The following ADAM23 variants were observed in gnomAD, a reference collection of about 807,000 sequenced individuals.
The protein encoded by ADAM23 is ADAM metallopeptidase domain 23, also known as disintegrin and metalloproteinase domain-containing protein 23.
ADAM23 carries 33 observed loss-of-function variants against 120.1 expected under a neutral mutation model. The observed-to-expected ratio is 0.27, with a 90% confidence interval of 0.21 to 0.37. The LOEUF (loss-of-function observed/expected upper bound fraction) is 0.37, where lower values mean the gene tolerates loss of function less well. Among genes scored for constraint, ADAM23 ranks in the 10% least tolerant of loss-of-function variants. ADAM23 has a pLI of 1.00. For synonymous variants in ADAM23, 367 were observed against 375.2 expected (o/e 0.98, Z 0.25); for missense variants, 862 against 1,058.2 (o/e 0.81, Z 2.57).
intron 19 of ADAM23, 75 bp downstream of exon 19, chr2:206,587,450 A>T: frequency 8.6e-7 from 1 of 1,164,752 alleles, no homozygotes; most frequent in Non-Finnish European, 1.2e-6. Flanking sequence ...TTTTTGATAA[A>T]TATTAATATA....
intron 4 of ADAM23, among the ~76,000 whole-genome samples, chr2:206,533,834 A>G (rs975177790): frequency 6.6e-6 from 1 of 152,240 alleles, no homozygotes; most frequent in African/African-American, 2.4e-5. Context: ...CGAGAGGTCC[A>G]AAAGAAGCGT....
rs555339366 is a variant in ADAM23, at chr2:206,510,484, G to GTATTTTTAGTGGAGA, written c.510-20400_510-20399insATTTTTAGTGGAGAT. Among the ~76,000 whole-genome samples the GTATTTTTAGTGGAGA allele has an allele frequency of 3.2e-3, 488 of 152,016 alleles. 5 individuals carry two copies. Among genetic ancestry groups the GTATTTTTAGTGGAGA allele is most frequent in the African/African-American group, 0.011 (465 of 41,504 alleles). On this transcript the variant is annotated intron_variant, in intron 3 of 25. Coordinates refer to ENST00000264377, the MANE Select transcript of ADAM23 (RefSeq NM_003812.4). The stretch of plus-strand genomic sequence containing the variant: ...TACATTGCCAAGATTTATTAAATTT[G>GTATTTTTAGTGGAGA]TGTTTTGTTTAGTAACCACAATAAA...
chr2:206,531,152 T>C (rs1330871673), intron 4 of ADAM23, among the ~76,000 whole-genome samples: 3 of 152,224 alleles, frequency 2.0e-5, no homozygotes, highest in African/African-American at 7.2e-5. Flanking sequence ...AAATGTTTAT[T>C]GTTTTGATTA....
intron 3 of ADAM23, among the ~76,000 whole-genome samples, chr2:206,495,458 T>G (rs1423933280): frequency 1.3e-5 from 2 of 152,168 alleles, no homozygotes; most frequent in Non-Finnish European, 2.9e-5. Flanking sequence ...GCTGAGAGAT[T>G]TCGTCACCAC....
chr2:206,453,565 A>G (rs1574475569), intron 2 of ADAM23, among the ~76,000 whole-genome samples: 1 of 152,208 alleles, frequency 6.6e-6, no homozygotes, highest in Non-Finnish European at 1.5e-5. Context: ...TCAATTTTAC[A>G]AGGGAGTCTT....
intron 2 of ADAM23, among the ~76,000 whole-genome samples, chr2:206,473,458 G>A (rs941243107): frequency 1.3e-5 from 2 of 151,844 alleles, no homozygotes; most frequent in Non-Finnish European, 2.9e-5. Flanking sequence ...TTTATGCCAG[G>A]GGTAGTGGCT....
intron 4 of ADAM23, among the ~76,000 whole-genome samples, chr2:206,538,963 CT>C (rs1230865245): frequency 2.6e-5 from 4 of 152,034 alleles, no homozygotes; most frequent in Middle Eastern, 3.2e-3. Flanking sequence ...CTTTTTTTCC[CT>C]ACAAGTTGTA....
chr2:206,543,173 A>G (rs2105807827), intron 5 of ADAM23, 80 bp from the exon 6 acceptor site: 4 of 1,232,004 alleles, frequency 3.2e-6, no homozygotes, highest in Non-Finnish European at 4.8e-6. Context: ...TTGAAGACAC[A>G]ATAATGAAGC....
chr2:206,609,879 A>G, intron 24 of ADAM23, 31 bp from the exon 25 acceptor site: 2 of 1,574,378 alleles, frequency 1.3e-6, no homozygotes, highest in Non-Finnish European at 8.6e-7. Flanking sequence ...GTTGGTTCAT[A>G]TGACTCTCTT....
At chr2:206,457,367 G>C (rs550599484) in intron 2 of ADAM23, among the ~76,000 whole-genome samples, 2 of 152,282 alleles carry the variant, frequency 1.3e-5, no homozygotes, top group East Asian at 3.9e-4. Context: ...TTATTAGCGT[G>C]ACCAAAACGA....
At chr2:206,473,150 A>G (rs955457788) in intron 2 of ADAM23, among the ~76,000 whole-genome samples, 7 of 152,224 alleles carry the variant, frequency 4.6e-5, no homozygotes, top group African/African-American at 9.6e-5. Flanking sequence ...TCCACATTGC[A>G]GTATAACACT....
At chr2:206,479,045 A>T (rs1695841315) in intron 2 of ADAM23, among the ~76,000 whole-genome samples, 1 of 152,222 alleles carries the variant, frequency 6.6e-6, no homozygotes, top group African/African-American at 2.4e-5. Context: ...CTATCTTTAT[A>T]TGCAAAGCAG....
At chr2:206,572,397 C>T (rs1698020552) in intron 17 of ADAM23, among the ~76,000 whole-genome samples, 1 of 152,130 alleles carries the variant, frequency 6.6e-6, no homozygotes, top group Non-Finnish European at 1.5e-5. Context: ...TTTTAATCTT[C>T]CCTTTTCTCA....
chr2:206,617,795 T>TTGGAAATAA lies in ADAM23; in HGVS notation c.*171_*179dup. On this transcript the variant is annotated 3_prime_UTR_variant, in exon 26 of 26. Transcript: ENST00000264377. ...ATGGGGTAAAAGAAAACTGTCTCTT[T>TTGGAAATAA]TGGAAATAATGTCAAAGAACACCTT... The TTGGAAATAA allele has an allele frequency of 7.2e-7, 1 of 1,380,598 alleles. No homozygotes were observed. Among genetic ancestry groups the TTGGAAATAA allele is most frequent in the Non-Finnish European group, 9.5e-7 (1 of 1,054,512 alleles). 85.5% of individuals were successfully genotyped at this position (1,380,598 alleles called of 1,614,324 possible).
At chr2:206,614,691 A>C (rs988070494) in intron 25 of ADAM23, among the ~76,000 whole-genome samples, 2 of 152,190 alleles carry the variant, frequency 1.3e-5, no homozygotes, top group Non-Finnish European at 2.9e-5. Context: ...AGTCAGATAA[A>C]ATTTGAAAGG....
chr2:206,505,393 C>T (rs1397497786), intron 3 of ADAM23, among the ~76,000 whole-genome samples: 1 of 152,152 alleles, frequency 6.6e-6, no homozygotes, highest in Non-Finnish European at 1.5e-5. Flanking sequence ...AGTTTGTTCT[C>T]ACATGGCTAT....
intron 24 of ADAM23, among the ~76,000 whole-genome samples, chr2:206,600,063 G>A (rs553954277): frequency 1.8e-4 from 27 of 152,248 alleles, no homozygotes; most frequent in African/African-American, 4.1e-4. Flanking sequence ...TTAGTTGGGC[G>A]TGGTGGCAGG....
At chr2:206,543,140 T>TTTG in intron 5 of ADAM23, 113 bp from the exon 6 acceptor site, 2 of 895,692 alleles carry the variant, frequency 2.2e-6, no homozygotes, top group Non-Finnish European at 3.6e-6. Flanking sequence ...TGTAAAGGGA[T>TTTG]TTGTTCAGTT....
Position 206,550,150 on chromosome 2 carries a change from A to G in ADAM23, c.923A>G (p.Asp308Gly). ...TATTTGGAACTTATGATTGTTAATG[A>G]TCACAAAACGGTAAGAATATAGAGT... ...MKYLELMIVN[D>G]HKTYKKHRSS... is the part of the protein sequence containing the mutation. Residue 308 changes from aspartate (D) to glycine (G), a missense_variant, in exon 9 of 26, where the codon GAT (aspartate) becomes GGT (glycine). Around this residue, in one of 4 missense-constraint regions of ADAM23, gnomAD observed 617 missense variants for 813.5 expected, o/e 0.76. Transcript: ENST00000264377. 6.3e-7 allele frequency: 1 copy of G among 1,577,564 alleles called. No individual in the cohort carries two copies. Among genetic ancestry groups the G allele is most frequent in the Non-Finnish European group, 8.7e-7 (1 of 1,150,698 alleles).
Sources: allele counts gnomAD v4.1 joint callset (sites outside exome capture counted in the v4.1 genomes callset), GRCh38; gene constraint gnomAD v4.1.1; regional missense constraint gnomAD v4.1.1; transcripts MANE v1.5; gene names NCBI Gene and HGNC (gene_info 2026-07-23, HGNC 2026-07-21).